The following THSD7B variants were observed in gnomAD, a reference collection of about 807,000 sequenced individuals.
THSD7B encodes thrombospondin type-1 domain-containing protein 7B.
In THSD7B, 138 loss-of-function variants were observed where a neutral mutation model predicts 213.6. That is an observed-to-expected ratio of 0.65 (90% CI 0.56 to 0.74). The LOEUF (loss-of-function observed/expected upper bound fraction) is 0.74. Among genes scored for constraint, THSD7B ranks in the 30% least tolerant of loss-of-function variants. The pLI is 0.00. For missense variants in THSD7B, 1,931 were observed against 1,991.5 expected (o/e 0.97, Z 0.58); for synonymous variants, 742 against 687.0 (o/e 1.08, Z -1.25).
Position 137,057,232 on chromosome 2 carries a change from TAGG to T in THSD7B, c.950+5_950+7del, listed in dbSNP as rs1163527770. ...TGATGGACAAAATGCTATGTTAAGGTAGGAGACCTTTGATGCTTGAATTTGATT... is the reference window on the plus strand; with the variant it reads ...TGATGGACAAAATGCTATGTTAAGGTAGACCTTTGATGCTTGAATTTGATT... On this transcript the variant is annotated splice_donor_5th_base_variant and intron_variant, in intron 3 of 27. Transcript: ENST00000409968. 1 of 1,596,854 alleles carries T rather than the reference TAGG, an allele frequency of 6.3e-7. No homozygotes were observed. Among genetic ancestry groups the T allele is most frequent in the Non-Finnish European group, 8.5e-7 (1 of 1,170,104 alleles).
intron 6 of THSD7B, among the ~76,000 whole-genome samples, chr2:137,170,136 G>A (rs1191549612): frequency 1.3e-5 from 2 of 152,106 alleles, no homozygotes; most frequent in Admixed American, 6.5e-5. Flanking sequence ...CTGGGACTTT[G>A]AGGCCCTAGT....
At chr2:137,549,245 T>A (rs1003780380) in intron 15 of THSD7B, among the ~76,000 whole-genome samples, 1 of 150,694 alleles carries the variant, frequency 6.6e-6, no homozygotes, top group African/African-American at 2.4e-5. Flanking sequence ...CCCCACCTTA[T>A]GCCTGTAACT....
At chr2:136,846,120 G>T (rs573834398) in intron 1 of THSD7B, among the ~76,000 whole-genome samples, 14 of 152,250 alleles carry the variant, frequency 9.2e-5, no homozygotes, top group African/African-American at 3.4e-4. Flanking sequence ...CCCAGGGGTT[G>T]AATCAAGGGT....
At chr2:136,933,690 T>A (rs916914627) in intron 2 of THSD7B, among the ~76,000 whole-genome samples, 1 of 54,704 alleles carries the variant, frequency 1.8e-5, no homozygotes, top group Admixed American at 1.7e-4. Context: ...ATAATCAATC[T>A]CTTCTTCTCT....
chr2:136,927,739 A>G (rs1343571905), intron 2 of THSD7B, among the ~76,000 whole-genome samples: 1 of 152,222 alleles, frequency 6.6e-6, no homozygotes, highest in Non-Finnish European at 1.5e-5. Context: ...GACTGATGAC[A>G]GACATTGATA....
At chr2:137,568,687 A>G (rs1458251138) in intron 16 of THSD7B, among the ~76,000 whole-genome samples, 1 of 152,180 alleles carries the variant, frequency 6.6e-6, no homozygotes, top group African/African-American at 2.4e-5. Flanking sequence ...TGCCATTTAT[A>G]AAACCATCAG....
At chr2:137,346,621 G>C (rs1195289343) in intron 12 of THSD7B, among the ~76,000 whole-genome samples, 16 of 151,572 alleles carry the variant, frequency 1.1e-4, no homozygotes, top group Admixed American at 1.1e-3. Context: ...TTCTTCCAGA[G>C]TGCTCTATGT....
chr2:137,455,165 A>G (rs1023966642), intron 15 of THSD7B, among the ~76,000 whole-genome samples: 6 of 152,180 alleles, frequency 3.9e-5, no homozygotes, highest in Admixed American at 2.0e-4. Context: ...CAGTCCCTGT[A>G]CATTATCTTG....
intron 2 of THSD7B, among the ~76,000 whole-genome samples, chr2:137,048,402 G>A (rs982877402): frequency 3.9e-5 from 6 of 152,094 alleles, no homozygotes; most frequent in African/African-American, 1.4e-4. Flanking sequence ...CCAAAATGCA[G>A]CCAGTACCTT....
chr2:136,922,913 G>A (rs1238313815), intron 2 of THSD7B, among the ~76,000 whole-genome samples: 3 of 152,054 alleles, frequency 2.0e-5, no homozygotes, highest in African/African-American at 7.2e-5. Context: ...TGTGAATTTG[G>A]ATATGTAGTT....
chr2:136,819,656 G>T (rs1392668021), intron 1 of THSD7B, among the ~76,000 whole-genome samples: 1 of 152,084 alleles, frequency 6.6e-6, no homozygotes, highest in Non-Finnish European at 1.5e-5. Context: ...GGGGGCAAGA[G>T]CTAGAGAGGC....
chr2:137,125,345 C>T (rs1688613810), intron 5 of THSD7B, among the ~76,000 whole-genome samples: 2 of 152,174 alleles, frequency 1.3e-5, no homozygotes. Flanking sequence ...ATTCTAAATG[C>T]TTTGTTGCCA....
chr2:136,876,815 C>T (rs1348396363), intron 1 of THSD7B, among the ~76,000 whole-genome samples: 1 of 152,136 alleles, frequency 6.6e-6, no homozygotes, highest in African/African-American at 2.4e-5. Context: ...GAGCTCCTGC[C>T]TGTATGAACC....
chr2:137,473,358 G>A (rs1378801284), intron 15 of THSD7B, among the ~76,000 whole-genome samples: 1 of 151,760 alleles, frequency 6.6e-6, no homozygotes, highest in Non-Finnish European at 1.5e-5. Context: ...ACAGGCACCC[G>A]CCACCACACC....
chr2:137,356,947 TACACACACACACACACACAG>T (rs1411532589), intron 12 of THSD7B, among the ~76,000 whole-genome samples: 4 of 113,742 alleles, frequency 3.5e-5, no homozygotes, highest in Non-Finnish European at 5.7e-5. Context: ...CACACACACA[TACACACACACACACACACAG>T]ACACACACAC....
chr2:137,400,682 G>A (rs993321686), intron 12 of THSD7B, among the ~76,000 whole-genome samples: 5 of 152,186 alleles, frequency 3.3e-5, no homozygotes, highest in African/African-American at 1.2e-4. Flanking sequence ...GTAAAGGGCT[G>A]TGTGGGCTGG....
chr2:136,946,396 G>A (rs1016075828), intron 2 of THSD7B, among the ~76,000 whole-genome samples: 1 of 152,120 alleles, frequency 6.6e-6, no homozygotes, highest in Admixed American at 6.5e-5. Flanking sequence ...GTGTCAGTCA[G>A]CCCCTACTGG....
intron 12 of THSD7B, among the ~76,000 whole-genome samples, chr2:137,391,686 CA>C (rs757793857): frequency 1.3e-3 from 137 of 108,152 alleles, no homozygotes; most frequent in African/African-American, 2.0e-3. Flanking sequence ...CATTCGGTCT[CA>C]AAAAAAAAAA....
chr2:137,211,318 A>G (rs1436153795), intron 7 of THSD7B, among the ~76,000 whole-genome samples: 1 of 151,318 alleles, frequency 6.6e-6, no homozygotes, highest in African/African-American at 2.4e-5. Flanking sequence ...TATTCAACAG[A>G]CTCTATCCTT....
Sources: allele counts gnomAD v4.1 joint callset (sites outside exome capture counted in the v4.1 genomes callset), GRCh38; gene constraint gnomAD v4.1.1; transcripts MANE v1.5; gene names NCBI Gene and HGNC (gene_info 2026-07-23, HGNC 2026-07-21).